Variants in UBE2J1 observed in about 807,000 individuals in gnomAD.
UBE2J1 encodes ubiquitin-conjugating enzyme E2 J1.
A neutral mutation model predicts 42.1 loss-of-function variants in UBE2J1; 17 were observed. That is an observed-to-expected ratio of 0.40 (90% CI 0.28 to 0.61). The LOEUF (loss-of-function observed/expected upper bound fraction) is 0.61, where lower values mean the gene tolerates loss of function less well. Ranked by LOEUF, UBE2J1 falls within the 20% of genes least tolerant of loss-of-function variation. The pLI, the probability that UBE2J1 is intolerant of heterozygous loss-of-function variation, is 0.38. For missense variants in UBE2J1, 291 were observed against 389.4 expected, an observed-to-expected ratio of 0.75 and a Z score of 2.13; for synonymous variants, 127 against 137.2, an observed-to-expected ratio of 0.93 and a Z score of 0.52.
At chr6:89,350,919 G>A (rs1031257224) in intron 1 of UBE2J1, among the ~76,000 whole-genome samples, 7 of 151,858 alleles carry the variant, frequency 4.6e-5, no homozygotes, top group Admixed American at 1.3e-4. Context: ...TGTGACCAGG[G>A]AGCCACCATA....
intron 1 of UBE2J1, among the ~76,000 whole-genome samples, chr6:89,346,947 C>T (rs1255139268): frequency 2.0e-5 from 3 of 152,192 alleles, no homozygotes; most frequent in Admixed American, 6.5e-5. Context: ...ATGGTAAGTA[C>T]TCAAATATTA....
intron 5 of UBE2J1, among the ~76,000 whole-genome samples, chr6:89,336,499 A>ATTTTT (rs1405521251): frequency 1.4e-5 from 2 of 144,668 alleles, no homozygotes. Context: ...TCATTTTATT[A>ATTTTT]TTATTTTTTT....
Position 89,329,579 on chromosome 6 carries a change from A to G in UBE2J1, c.*100T>C. ...AGGATCAAAAAAAGGAATGAAGGGTAAATACAAAATAATCTTTTTGTAAAC... is the reference window on the plus strand; with the variant it reads ...AGGATCAAAAAAAGGAATGAAGGGTGAATACAAAATAATCTTTTTGTAAAC... On this transcript the variant is annotated 3_prime_UTR_variant, in exon 8 of 8. Transcript: ENST00000435041. 7.7e-7 allele frequency: 1 copy of G among 1,296,268 alleles called. No homozygotes were observed. The highest frequency in any genetic ancestry group is 1.3e-5 in the South Asian group (1 of 77,836). The allele number at this position is 1,296,268 out of a possible 1,614,324, so 80.3% of individuals were successfully genotyped here.
In UBE2J1 at chr6:89,333,224, C is replaced by A. The variant is rs1768043696; in HGVS notation, c.559-19G>T. On this transcript the variant is annotated intron_variant, in intron 6 of 7. Transcript: ENST00000435041. ...CTTCTGCCTATAAACAAGATAGACCCAAGAGCAGTGTGACAACAGGAAACA... is the reference window on the plus strand; with the variant it reads ...CTTCTGCCTATAAACAAGATAGACCAAAGAGCAGTGTGACAACAGGAAACA... 1.3e-6 allele frequency: 2 copies of A among 1,596,102 alleles called. No individual in the cohort carries two copies. The highest frequency in any genetic ancestry group is 2.3e-5 in the South Asian group (2 of 87,648).
At chr6:89,347,977 A>G (rs1768393092) in intron 1 of UBE2J1, among the ~76,000 whole-genome samples, 1 of 152,214 alleles carries the variant, frequency 6.6e-6, no homozygotes, top group Admixed American at 6.5e-5. Context: ...ACCATGCCTC[A>G]GCAGATTTCG....
Position 89,335,338 on chromosome 6 carries a change from T to C in UBE2J1, c.522A>G (p.Gln174=), listed in dbSNP as rs1336491160. The C allele has an allele frequency of 1.9e-6, 3 of 1,608,160 alleles. No individual in the cohort carries two copies. The highest frequency in any genetic ancestry group is 2.6e-6 in the Non-Finnish European group (3 of 1,176,350). Residue 174 remains glutamine (Q), a synonymous_variant, in exon 6 of 8, where the codon CAA becomes CAG. Coordinates refer to ENST00000435041, the MANE Select transcript of UBE2J1 (RefSeq NM_016021.3). ...KSGSDSSQAD[Q]EAKELARQIS... ...TTTGCCTAGCCAGTTCTTTGGCTTC[T>C]TGGTCAGCTTGGCTTGAATCGCTTC...
At chr6:89,348,777 T>G (rs1768410195) in intron 1 of UBE2J1, among the ~76,000 whole-genome samples, 1 of 152,230 alleles carries the variant, frequency 6.6e-6, no homozygotes, top group African/African-American at 2.4e-5. Flanking sequence ...ACTACTTTAG[T>G]CTGCCTAGGG....
At chr6:89,332,435 T>A (rs1332013804) in intron 7 of UBE2J1, among the ~76,000 whole-genome samples, 1 of 152,222 alleles carries the variant, frequency 6.6e-6, no homozygotes, top group Non-Finnish European at 1.5e-5. Context: ...GCATTCATTC[T>A]TTTATTCAAC....
At chr6:89,337,795 T>G (rs2127865099) in intron 5 of UBE2J1, among the ~76,000 whole-genome samples, 1 of 152,300 alleles carries the variant, frequency 6.6e-6, no homozygotes, top group South Asian at 2.1e-4. Context: ...TGCTATGAGC[T>G]AGATGCAAAG....
chr6:89,342,260 A>G lies in UBE2J1; in HGVS notation c.237+64T>C, dbSNP rs1768258517. The G allele has an allele frequency of 1.9e-6, 3 of 1,558,810 alleles. No individual in the cohort carries two copies. In the African/African-American group the frequency reaches 4.1e-5, roughly 21 times the overall value. On this transcript the variant is annotated intron_variant, in intron 3 of 7. Transcript: ENST00000435041. The stretch of plus-strand genomic sequence containing the variant: ...ATTTCTTAATGAAAATGATTTGCTT[A>G]CTATATTTTGCAGCTACCAGGAAGA...
chr6:89,351,481 C>T (rs1167795410), intron 1 of UBE2J1, among the ~76,000 whole-genome samples: 1 of 152,152 alleles, frequency 6.6e-6, no homozygotes, highest in Admixed American at 6.5e-5. Flanking sequence ...AAAGCTCCCT[C>T]CAATCAATAT....
At position 89,339,162 on chromosome 6, in the gene UBE2J1, C is replaced by T. The variant is rs553772415; in HGVS notation, c.238-619G>A. Among the ~76,000 whole-genome samples, 114 of 151,472 alleles carry T rather than the reference C, an allele frequency of 7.5e-4. 3 individuals carry two copies. Among genetic ancestry groups the T allele is most frequent in the Admixed American group, 2.2e-3 (33 of 15,214 alleles). On this transcript the variant is annotated intron_variant, in intron 3 of 7. Transcript: ENST00000435041. ...TTTTACTGGCCAGCGAAGTGGCTCA[C>T]GCCTGTAATCCTAGCACTCTGGGAG...
chr6:89,350,473 A>G (rs1366096970), intron 1 of UBE2J1, among the ~76,000 whole-genome samples: 1 of 152,154 alleles, frequency 6.6e-6, no homozygotes, highest in Non-Finnish European at 1.5e-5. Flanking sequence ...GGAAGGAAGT[A>G]TTTTCACAAT....
At chr6:89,347,331 A>C (rs1768382128) in intron 1 of UBE2J1, among the ~76,000 whole-genome samples, 1 of 152,234 alleles carries the variant, frequency 6.6e-6, no homozygotes, top group African/African-American at 2.4e-5. Context: ...GGAGATGCCA[A>C]AAAGATTGTT....
chr6:89,344,610 CAG>C (rs1412614041), intron 1 of UBE2J1, among the ~76,000 whole-genome samples: 1 of 152,198 alleles, frequency 6.6e-6, no homozygotes, highest in East Asian at 1.9e-4. Flanking sequence ...GAAAAAAAGT[CAG>C]AGAGGATGGT....
Position 89,335,386 on chromosome 6 carries a change from A to C in UBE2J1, c.474T>G (p.Asp158Glu), listed in dbSNP as rs763140036. 1.2e-6 allele frequency: 2 copies of C among 1,606,380 alleles called. No individual in the cohort carries two copies. Among genetic ancestry groups the C allele is most frequent in the Non-Finnish European group, 1.7e-6 (2 of 1,175,170 alleles). The change falls in exon 6 of 8, where the codon GAT (aspartate) becomes GAG (glutamate). Residue 158 changes from aspartate to glutamate, a missense_variant. Transcript: ENST00000435041. Reference sequence around the variant, plus strand: ...TTCCAGATTTTAAAGGCAACAGGACATCCTTCATGGCAGAGCCACATCCTT... The same window carrying C: ...TTCCAGATTTTAAAGGCAACAGGACCTCCTTCATGGCAGAGCCACATCCTT... ...CCEGCGSAMKDVLLPLKSGSD... is the reference protein window; with the variant it reads ...CCEGCGSAMKEVLLPLKSGSD...
At chr6:89,342,802 T>C (rs1386457085) in intron 2 of UBE2J1, among the ~76,000 whole-genome samples, 1 of 152,184 alleles carries the variant, frequency 6.6e-6, no homozygotes, top group Non-Finnish European at 1.5e-5. Context: ...AAAAAATTAC[T>C]ATGTTTGGGT....
intron 6 of UBE2J1, 44 bp from the exon 7 acceptor site, chr6:89,333,249 A>G (rs1562411876): frequency 6.4e-7 from 1 of 1,571,286 alleles, no homozygotes; most frequent in Admixed American, 1.9e-5. Flanking sequence ...AACAGGAAAC[A>G]ACAGGAAACA....
chr6:89,338,671 T>G (rs1284386111), intron 3 of UBE2J1, 128 bp from the exon 4 acceptor site: 2,689 of 258,880 alleles, frequency 0.01, 74 homozygotes, highest in Non-Finnish European at 0.014. Context: ...TTTTTTTTTT[T>G]TTTTTTTTTT....
Sources: gnomAD v4.1 joint callset for allele counts (sites outside exome capture counted in the v4.1 genomes callset) on GRCh38, gnomAD v4.1.1 for gene constraint, MANE v1.5 for transcripts, NCBI Gene and HGNC (gene_info 2026-07-23, HGNC 2026-07-21) for gene names.